Variants in CYTH3 observed in about 807,000 individuals in gnomAD.
The protein encoded by CYTH3 is cytohesin-3.
In CYTH3, 23 loss-of-function variants were observed where a neutral mutation model predicts 55.1. The observed-to-expected ratio is 0.42, with a 90% CI of 0.30 to 0.59. The LOEUF is 0.59. Among genes scored for constraint, CYTH3 ranks in the 20% least tolerant of loss-of-function variants. The pLI is 0.20. For synonymous variants in CYTH3, 249 were observed against 194.9 expected (o/e 1.28, Z -2.31); for missense variants, 413 against 524.8 (o/e 0.79, Z 2.08).
chr7:6,207,046 A>G (rs1784205864), intron 1 of CYTH3, among the ~76,000 whole-genome samples: 2 of 151,438 alleles, frequency 1.3e-5, no homozygotes, highest in South Asian at 4.2e-4. Flanking sequence ...ATGCCATACC[A>G]TAAGAAACAT....
intron 1 of CYTH3, among the ~76,000 whole-genome samples, chr7:6,245,787 C>T (rs1779798319): frequency 6.6e-6 from 1 of 152,168 alleles, no homozygotes; most frequent in Admixed American, 6.5e-5. Context: ...GCCTGTAATC[C>T]CAGCTACTCA....
intron 1 of CYTH3, among the ~76,000 whole-genome samples, chr7:6,230,387 G>T (rs931969187): frequency 1.3e-5 from 2 of 152,252 alleles, no homozygotes; most frequent in African/African-American, 4.8e-5. Flanking sequence ...CTACCGCAGG[G>T]AAAAGGGAAC....
chr7:6,272,029 T>C (rs973909308), intron 1 of CYTH3, among the ~76,000 whole-genome samples: 1 of 152,076 alleles, frequency 6.6e-6, no homozygotes, highest in Non-Finnish European at 1.5e-5. Flanking sequence ...TGCAAAACTT[T>C]CCCCTCCCGG....
chr7:6,266,138 C>G (rs1170653296), intron 1 of CYTH3, among the ~76,000 whole-genome samples: 1 of 152,128 alleles, frequency 6.6e-6, no homozygotes, highest in Non-Finnish European at 1.5e-5. Flanking sequence ...TGAACCACTG[C>G]AACACCTCCC....
At position 6,241,712 on chromosome 7, in the gene CYTH3, T is replaced by C. The variant is rs142798749; in HGVS notation, c.34+30762A>G. ...AGCACAATGGAATACTATAGAGCTG[T>C]TTAAAAAAAGTGGTGGGGTTGCAGT... On this transcript the variant is annotated intron_variant, in intron 1 of 12. Transcript: ENST00000350796. 4.3e-3 allele frequency among the ~76,000 whole-genome samples: 649 copies of C among 152,140 alleles called. 1 individual carries two copies. Among genetic ancestry groups the C allele is most frequent in the Non-Finnish European group, 7.9e-3 (535 of 68,008 alleles).
At chr7:6,181,499 TTTC>T (rs145672227) in intron 4 of CYTH3, among the ~76,000 whole-genome samples, 2,434 of 152,328 alleles carry the variant, frequency 0.016, 62 homozygotes, top group African/African-American at 0.056. Flanking sequence ...GTGCTCCTCA[TTTC>T]TTCTTAGGTA....
chr7:6,165,244 C>A, intron 12 of CYTH3, 29 bp downstream of exon 12: 3 of 1,596,070 alleles, frequency 1.9e-6, no homozygotes, highest in Non-Finnish European at 1.7e-6. Context: ...AGAAGACGGG[C>A]CTGGCCCCGC....
In CYTH3 at chr7:6,272,614, G is replaced by A. The variant is rs993418134; in HGVS notation, c.-107C>T. 16 of 860,342 alleles carry A rather than the reference G, an allele frequency of 1.9e-5. No homozygotes were observed. The South Asian group carries it at 2.1e-4, about 11-fold the overall frequency. The allele number at this position is 860,342 out of a possible 1,614,324, so 53.3% of individuals were successfully genotyped here. A position where few individuals can be genotyped will look rare whatever the true frequency, so the allele number is the denominator to read the frequency against. On this transcript the variant is annotated 5_prime_UTR_variant, in exon 1 of 13. Coordinates refer to ENST00000350796, the MANE Select transcript of CYTH3 (RefSeq NM_004227.4). ...GCAGGCGACCGGGCGGCTCCTCAGC[G>A]CGCGGCCCGGGTCGCGGCCGGGCCT...
At position 6,207,974 on chromosome 7, in the gene CYTH3, G is replaced by A. The variant is rs563750340; in HGVS notation, c.35-17443C>T. ...TGGGGGGGTGGGGGGAAAGGTGTTA[G>A]AAGCAGATAAAAAAAACGATTAATA... On this transcript the variant is annotated intron_variant, in intron 1 of 12. Coordinates refer to ENST00000350796, the MANE Select transcript of CYTH3 (RefSeq NM_004227.4). 3.4e-3 allele frequency among the ~76,000 whole-genome samples: 512 copies of A among 152,190 alleles called. 2 individuals are homozygous for A. Among genetic ancestry groups the A allele is most frequent in the Middle Eastern group, 6.8e-3 (2 of 294 alleles).
intron 1 of CYTH3, among the ~76,000 whole-genome samples, chr7:6,255,908 T>C (rs6463535): frequency 0.12 from 18,013 of 151,152 alleles, 1,669 homozygotes; most frequent in African/African-American, 0.25. Flanking sequence ...GGACTACAGG[T>C]GCCCGCCACT....
intron 1 of CYTH3, among the ~76,000 whole-genome samples, chr7:6,208,376 T>G (rs1357280660): frequency 1.3e-5 from 2 of 152,178 alleles, no homozygotes; most frequent in Non-Finnish European, 2.9e-5. Context: ...CTACAAGCAA[T>G]GGAAGAATCA....
chr7:6,197,344 A>G (rs565290801), intron 1 of CYTH3, among the ~76,000 whole-genome samples: 19 of 152,328 alleles, frequency 1.2e-4, no homozygotes, highest in Admixed American at 1.1e-3. Flanking sequence ...CATAGTATAT[A>G]GGGATATAAT....
rs552862315 is a variant in CYTH3, at chr7:6,164,891, G to A, written c.*53C>T. 5.4e-5 allele frequency: 87 copies of A among 1,604,166 alleles called. No homozygotes were observed. The East Asian group carries it at 9.8e-4, about 18-fold the overall frequency. ...CGCCTTCCGCGGAGGGGCCGCCCGC[G>A]GTGTCTTTCTGCTGGGGTTGGGTCT... On this transcript the variant is annotated 3_prime_UTR_variant, in exon 13 of 13. Transcript: ENST00000350796.
rs1782899052 is a variant in CYTH3, at chr7:6,163,477, G to C, written c.*1467C>G. ...CTGGGGACGCAAATCTCCCGACAGA[G>C]AACAGCGTCTGCCACCGGCCCGGGT... On this transcript the variant is annotated 3_prime_UTR_variant, in exon 13 of 13. Coordinates refer to ENST00000350796, the MANE Select transcript of CYTH3 (RefSeq NM_004227.4). The C allele has an allele frequency of 1.3e-5, 2 of 152,498 alleles. No homozygotes were observed. The highest frequency in any genetic ancestry group is 4.8e-5 in the African/African-American group (2 of 41,470). 9.4% of individuals were successfully genotyped at this position (152,498 alleles called of 1,614,324 possible). A position where few individuals can be genotyped will look rare whatever the true frequency, so the allele number is the denominator to read the frequency against.
intron 1 of CYTH3, among the ~76,000 whole-genome samples, chr7:6,221,898 G>C (rs1015865542): frequency 2.6e-5 from 4 of 152,192 alleles, no homozygotes; most frequent in African/African-American, 4.8e-5. Context: ...GCTGCAGTGA[G>C]CTATGATGGT....
At chr7:6,253,172 T>C (rs1780015591) in intron 1 of CYTH3, among the ~76,000 whole-genome samples, 1 of 151,902 alleles carries the variant, frequency 6.6e-6, no homozygotes, top group African/African-American at 2.4e-5. Context: ...AATAATGATA[T>C]TAGACAATAA....
intron 9 of CYTH3, among the ~76,000 whole-genome samples, chr7:6,168,549 AG>A (rs1295348591): frequency 6.6e-6 from 1 of 152,104 alleles, no homozygotes; most frequent in East Asian, 1.9e-4. Flanking sequence ...GGAGAGGACA[AG>A]GAAGCCAGCC....
chr7:6,205,169 G>C (rs1374003039), intron 1 of CYTH3, among the ~76,000 whole-genome samples: 1 of 150,852 alleles, frequency 6.6e-6, no homozygotes, highest in African/African-American at 2.4e-5. Flanking sequence ...TCTCAAAAAA[G>C]CAAAAACAAA....
intron 1 of CYTH3, among the ~76,000 whole-genome samples, chr7:6,269,330 T>C (rs1481012039): frequency 6.6e-6 from 1 of 152,238 alleles, no homozygotes; most frequent in Non-Finnish European, 1.5e-5. Context: ...GGTTATCACC[T>C]GTCTGAAGGT....
Sources: gnomAD v4.1 joint callset for allele counts (sites outside exome capture counted in the v4.1 genomes callset) on GRCh38, gnomAD v4.1.1 for gene constraint, MANE v1.5 for transcripts, NCBI Gene and HGNC (gene_info 2026-07-23, HGNC 2026-07-21) for gene names.